The following HTR1F variants were observed in gnomAD, a reference collection of about 807,000 sequenced individuals.
HTR1F encodes the protein 5-hydroxytryptamine receptor 1F, also known as 5-hydroxytryptamine (serotonin) receptor 1F, G protein-coupled.
HTR1F carries 17 observed loss-of-function variants against 24.0 expected under a neutral mutation model. The ratio of observed to expected loss-of-function variants is 0.71; its 90% CI spans 0.48 to 1.06. The LOEUF is 1.06. HTR1F is among the 50% of genes least tolerant of loss of function. The pLI is 0.00. For synonymous variants in HTR1F, 186 were observed against 156.8 expected (o/e 1.19, Z -1.39); for missense variants, 391 against 427.8 (o/e 0.91, Z 0.76).
intron 2 of HTR1F, among the ~76,000 whole-genome samples, chr3:87,954,735 G>A (rs1333029535): frequency 6.6e-6 from 1 of 151,552 alleles, no homozygotes; most frequent in African/African-American, 2.4e-5. Context: ...AACATGTAAG[G>A]AGAATGGGGC....
chr3:87,919,541 A>G (rs1703966213), intron 2 of HTR1F, among the ~76,000 whole-genome samples: 2 of 152,088 alleles, frequency 1.3e-5, no homozygotes, highest in African/African-American at 4.8e-5. Context: ...AAAAAATTCC[A>G]TCAAAAAATG....
chr3:87,987,925 G>A (rs1442891428), intron 2 of HTR1F, among the ~76,000 whole-genome samples: 2 of 149,802 alleles, frequency 1.3e-5, no homozygotes, highest in East Asian at 3.9e-4. Context: ...AAAAATGAGA[G>A]ACACTGAAAA....
intron 2 of HTR1F, among the ~76,000 whole-genome samples, chr3:87,930,319 T>C (rs544289990): frequency 1.8e-4 from 27 of 152,300 alleles, no homozygotes; most frequent in African/African-American, 5.8e-4. Flanking sequence ...TCCAATACTA[T>C]GTTGAATATG....
chr3:87,895,493 T>C (rs1706178935), intron 2 of HTR1F, among the ~76,000 whole-genome samples: 1 of 152,132 alleles, frequency 6.6e-6, no homozygotes, highest in Admixed American at 6.6e-5. Context: ...CTCTGTTGGG[T>C]ATTATATTAT....
At chr3:87,826,807 C>CATT (rs1292231650) in intron 2 of HTR1F, among the ~76,000 whole-genome samples, 15 of 151,940 alleles carry the variant, frequency 9.9e-5, no homozygotes, top group African/African-American at 2.7e-4. Context: ...GTGTTGCTAT[C>CATT]ATTATTATTA....
intron 2 of HTR1F, among the ~76,000 whole-genome samples, chr3:87,836,717 A>G (rs1158860048): frequency 1.3e-5 from 2 of 152,172 alleles, no homozygotes; most frequent in East Asian, 1.9e-4. Flanking sequence ...CCCTGAGGAA[A>G]AAGTTTTAAA....
At chr3:87,962,450 T>G (rs1251197069) in intron 2 of HTR1F, among the ~76,000 whole-genome samples, 1 of 151,984 alleles carries the variant, frequency 6.6e-6, no homozygotes. Flanking sequence ...CGAGAGAAAT[T>G]TATGCACAAC....
At chr3:87,967,400 AG>A (rs1172226690) in intron 2 of HTR1F, among the ~76,000 whole-genome samples, 1 of 151,974 alleles carries the variant, frequency 6.6e-6, no homozygotes, top group Non-Finnish European at 1.5e-5. Flanking sequence ...CAATGAGCTG[AG>A]ATTGTGCCAC....
chr3:87,930,194 T>C (rs190252512), intron 2 of HTR1F, among the ~76,000 whole-genome samples: 17 of 152,316 alleles, frequency 1.1e-4, no homozygotes, highest in African/African-American at 3.6e-4. Flanking sequence ...GCTTGGACTA[T>C]GGTGTTTTCT....
At chr3:87,842,038 GT>G (rs1704819803) in intron 2 of HTR1F, among the ~76,000 whole-genome samples, 2 of 151,052 alleles carry the variant, frequency 1.3e-5, no homozygotes, top group African/African-American at 4.9e-5. Flanking sequence ...GAAATTAAAA[GT>G]TGATTAGATT....
At chr3:87,950,604 T>C (rs1359755607) in intron 2 of HTR1F, among the ~76,000 whole-genome samples, 1 of 151,900 alleles carries the variant, frequency 6.6e-6, no homozygotes, top group African/African-American at 2.4e-5. Context: ...TCTAAATATA[T>C]TGAGTTTACC....
At chr3:87,867,380 ATT>A (rs1170237109) in intron 2 of HTR1F, among the ~76,000 whole-genome samples, 1 of 151,442 alleles carries the variant, frequency 6.6e-6, no homozygotes, top group Non-Finnish European at 1.5e-5. Flanking sequence ...TCTCTCATAT[ATT>A]TTCTCTTTTT....
At position 87,869,390 on chromosome 3, in the gene HTR1F, CA is replaced by C. The variant is rs1415013739; in HGVS notation, c.-43+47267del. ...CCAATAGGATAGATAGATAGACAAA[CA>C]GATAGATAGATAGATAGATAGATAG... is the stretch of plus-strand genomic sequence containing the variant. On this transcript the variant is annotated intron_variant, in intron 2 of 2. Transcript: ENST00000319595. 1.3e-4 allele frequency among the ~76,000 whole-genome samples: 16 copies of C among 124,460 alleles called. No homozygotes were observed. In the Admixed American group the frequency reaches 1.3e-3, roughly 10 times the overall value. 81.7% of individuals were successfully genotyped at this position (124,460 alleles called of 152,430 possible).
At chr3:87,980,273 C>A (rs1337503273) in intron 2 of HTR1F, among the ~76,000 whole-genome samples, 1 of 152,092 alleles carries the variant, frequency 6.6e-6, no homozygotes, top group African/African-American at 2.4e-5. Flanking sequence ...GATGACATCT[C>A]TCCACCCCTC....
intron 2 of HTR1F, among the ~76,000 whole-genome samples, chr3:87,895,909 C>A (rs1647264677): frequency 1.3e-5 from 2 of 152,064 alleles, no homozygotes; most frequent in African/African-American, 4.8e-5. Flanking sequence ...GAAACACTGG[C>A]AGGTGGTGTG....
In HTR1F at chr3:87,897,733, T is replaced by C. The variant is rs537178016; in HGVS notation, c.-43+75609T>C. 8.1e-4 allele frequency among the ~76,000 whole-genome samples: 123 copies of C among 152,226 alleles called. 2 individuals are homozygous for C. Among genetic ancestry groups the C allele is most frequent in the Middle Eastern group, 6.8e-3 (2 of 294 alleles). On this transcript the variant is annotated intron_variant, in intron 2 of 2. Transcript: ENST00000319595. Reference sequence around the variant, plus strand: ...TGGACTTTCCCAGAAGCAACCATTTTGTTTTATCCACTTTTCATGTTCTTT... The same window carrying C: ...TGGACTTTCCCAGAAGCAACCATTTCGTTTTATCCACTTTTCATGTTCTTT...
intron 1 of HTR1F, among the ~76,000 whole-genome samples, chr3:87,795,473 T>C (rs1179543682): frequency 6.6e-6 from 1 of 152,186 alleles, no homozygotes; most frequent in Non-Finnish European, 1.5e-5. Context: ...TGCAAAACCA[T>C]GGCAGGATTC....
chr3:87,881,154 C>A (rs531245103), intron 2 of HTR1F, among the ~76,000 whole-genome samples: 13 of 152,294 alleles, frequency 8.5e-5, no homozygotes, highest in Admixed American at 2.0e-4. Context: ...TGCAAGGGGT[C>A]AGGAGATTTC....
At chr3:87,897,346 A>G (rs988814960) in intron 2 of HTR1F, among the ~76,000 whole-genome samples, 24 of 151,862 alleles carry the variant, frequency 1.6e-4, no homozygotes, top group African/African-American at 5.5e-4. Context: ...CAGACACACA[A>G]AAAAGGAAAA....
Sources: allele counts gnomAD v4.1 joint callset (sites outside exome capture counted in the v4.1 genomes callset), GRCh38; gene constraint gnomAD v4.1.1; transcripts MANE v1.5; gene names NCBI Gene and HGNC (gene_info 2026-07-23, HGNC 2026-07-21).